SYT9: variants seen among roughly 807,000 people sequenced by gnomAD.
The protein encoded by SYT9 is synaptotagmin-9.
Under a neutral mutation model 48.4 loss-of-function variants are expected in SYT9, and 22 were observed. The observed-to-expected ratio is 0.45, with a 90% confidence interval of 0.32 to 0.65. SYT9 has a LOEUF of 0.65. SYT9 is among the 30% of genes least tolerant of loss of function. SYT9 has a pLI of 0.03. For synonymous variants in SYT9, 265 were observed against 245.0 expected (o/e 1.08, Z -0.76); for missense variants, 577 against 622.0 (o/e 0.93, Z 0.77).
upstream of SYT9, among the ~76,000 whole-genome samples, chr11:7,249,331 C>A (rs548879535): frequency 7.2e-5 from 11 of 152,298 alleles, no homozygotes; most frequent in Admixed American, 5.9e-4. Flanking sequence ...TTCACTTCTA[C>A]ACATTCTGTT....
intron 6 of SYT9, among the ~76,000 whole-genome samples, chr11:7,437,181 C>T (rs913258322): frequency 6.6e-6 from 1 of 152,166 alleles, no homozygotes; most frequent in African/African-American, 2.4e-5. Flanking sequence ...CTAAGTTTCT[C>T]ATTTCTCTGG....
intron 1 of SYT9, among the ~76,000 whole-genome samples, chr11:7,259,627 T>G (rs925101089): frequency 2.6e-5 from 4 of 152,180 alleles, no homozygotes; most frequent in Admixed American, 1.3e-4. Flanking sequence ...TTTTTTTTGT[T>G]GGTAAGACTG....
rs1026705035 is a variant in SYT9 at position 7,449,973 on chromosome 11, G to A, written c.1468-16819G>A. Among the ~76,000 whole-genome samples the A allele has an allele frequency of 7.9e-5, 12 of 151,974 alleles. No individual in the cohort carries two copies. In the East Asian group the frequency reaches 1.5e-3, roughly 20 times the overall value. On this transcript the variant is annotated intron_variant, in intron 6 of 6. Transcript: ENST00000318881. ...CTCAACTCCTGTCTGCCTTCTCCCC[G>A]ATGCCAGTCATTGCCCGCCTCCCAA...
intron 6 of SYT9, among the ~76,000 whole-genome samples, chr11:7,426,780 C>T (rs932799200): frequency 6.6e-6 from 1 of 152,136 alleles, no homozygotes; most frequent in African/African-American, 2.4e-5. Flanking sequence ...TATATCTTAG[C>T]ATGATTTCCC....
intron 6 of SYT9, among the ~76,000 whole-genome samples, chr11:7,453,261 G>C (rs149812339): frequency 2.0e-5 from 3 of 152,108 alleles, no homozygotes; most frequent in Non-Finnish European, 4.4e-5. Flanking sequence ...GCATGGTGGC[G>C]TGCCCACTAT....
At chr11:7,288,572 G>T (rs561480322) in intron 1 of SYT9, among the ~76,000 whole-genome samples, 3 of 152,078 alleles carry the variant, frequency 2.0e-5, no homozygotes, top group South Asian at 4.1e-4. Context: ...TTGTTTTCCT[G>T]TGAGTCCCCC....
chr11:7,250,302 C>A (rs934243484), upstream of SYT9, among the ~76,000 whole-genome samples: 1 of 151,848 alleles, frequency 6.6e-6, no homozygotes, highest in African/African-American at 2.4e-5. Flanking sequence ...CTGGTTTAGG[C>A]CTTCATCATC....
At chr11:7,364,791 G>A (rs1850210896) in intron 3 of SYT9, among the ~76,000 whole-genome samples, 1 of 152,100 alleles carries the variant, frequency 6.6e-6, no homozygotes, top group South Asian at 2.1e-4. Context: ...ATTTATTTCT[G>A]ATAAATGCAA....
chr11:7,421,962 A>G (rs1472805357), intron 6 of SYT9, among the ~76,000 whole-genome samples: 1 of 152,248 alleles, frequency 6.6e-6, no homozygotes, highest in Non-Finnish European at 1.5e-5. Flanking sequence ...ATAAGTAAAG[A>G]GAACTGAGCC....
chr11:7,330,585 C>T (rs559663504), intron 3 of SYT9, among the ~76,000 whole-genome samples: 3 of 152,264 alleles, frequency 2.0e-5, no homozygotes, highest in African/African-American at 7.2e-5. Context: ...ATATTTCTGT[C>T]TATCTAGGAA....
intron 1 of SYT9, among the ~76,000 whole-genome samples, chr11:7,274,829 C>T (rs189311013): frequency 8.0e-4 from 122 of 152,262 alleles, no homozygotes; most frequent in Middle Eastern, 3.4e-3. Context: ...AGCAGCCACA[C>T]ATAAGGCCAT....
rs1847613999 is a variant in SYT9 at position 7,432,576 on chromosome 11, AAAAAAAATATATATACATAT to A, written c.1467+11943_1467+11962del. Among the ~76,000 whole-genome samples the A allele has an allele frequency of 3.4e-3, 41 of 11,992 alleles. 1 individual carries two copies. Among genetic ancestry groups the A allele is most frequent in the African/African-American group, 0.013 (32 of 2,522 alleles). 7.9% of individuals were successfully genotyped at this position (11,992 alleles called of 152,430 possible). A position where few individuals can be genotyped will look rare whatever the true frequency, so the allele number is the denominator to read the frequency against. On this transcript the variant is annotated intron_variant, in intron 6 of 6. Coordinates refer to ENST00000318881, the MANE Select transcript of SYT9 (RefSeq NM_175733.4). ...AAAAAAAAAAAAAAAAAAAAAAAAA[AAAAAAAATATATATACATAT>A]ATATATATATATATATATATATATA... is the stretch of plus-strand genomic sequence containing the variant.
intron 1 of SYT9, among the ~76,000 whole-genome samples, chr11:7,289,238 T>C (rs1224530720): frequency 1.3e-5 from 2 of 152,182 alleles, no homozygotes; most frequent in Non-Finnish European, 2.9e-5. Flanking sequence ...AAAGATCCTA[T>C]CTAGGGACCA....
In SYT9 at chr11:7,467,061, C is replaced by G. The variant is rs148453860; in HGVS notation, c.*261C>G. 2 of 502,768 alleles carry G rather than the reference C, an allele frequency of 4.0e-6. No homozygotes were observed. The highest frequency in any genetic ancestry group is 3.5e-5 in the South Asian group (1 of 28,756). The allele number at this position is 502,768 out of a possible 1,614,324, so 31.1% of individuals were successfully genotyped here. A position where few individuals can be genotyped will look rare whatever the true frequency, so the allele number is the denominator to read the frequency against. ...CCAAGAACCAAGATCGGACTATGAA[C>G]AAAAACAAATGATAGATATAGTGAC... On this transcript the variant is annotated 3_prime_UTR_variant, in exon 7 of 7. Transcript: ENST00000318881.
chr11:7,272,572 G>T (rs971499985), intron 1 of SYT9, among the ~76,000 whole-genome samples: 2 of 152,054 alleles, frequency 1.3e-5, no homozygotes, highest in African/African-American at 4.8e-5. Context: ...CCATGGACTG[G>T]TCACTGTCCT....
intron 3 of SYT9, among the ~76,000 whole-genome samples, chr11:7,355,649 C>G (rs1248694658): frequency 6.6e-6 from 1 of 152,176 alleles, no homozygotes; most frequent in Non-Finnish European, 1.5e-5. Flanking sequence ...CTTGAGACAT[C>G]ACTTATATGC....
chr11:7,280,778 A>ATAGATGTAAGTAAGG (rs1564845778), intron 1 of SYT9, among the ~76,000 whole-genome samples: 2,140 of 151,764 alleles, frequency 0.014, 44 homozygotes, highest in African/African-American at 0.047. Flanking sequence ...GATGTAAGTA[A>ATAGATGTAAGTAAGG]GATACTATAG....
intron 4 of SYT9, among the ~76,000 whole-genome samples, chr11:7,416,456 T>C (rs966610559): frequency 6.6e-6 from 1 of 152,252 alleles, no homozygotes; most frequent in Admixed American, 6.5e-5. Flanking sequence ...CTACATATTG[T>C]TAATTATTGT....
At chr11:7,389,173 A>T (rs10769786) in intron 3 of SYT9, among the ~76,000 whole-genome samples, 2 of 151,958 alleles carry the variant, frequency 1.3e-5, no homozygotes, top group Non-Finnish European at 2.9e-5. Flanking sequence ...TTGGGCCAAT[A>T]CAGAAAACTG....
Sources: allele counts gnomAD v4.1 joint callset (sites outside exome capture counted in the v4.1 genomes callset), GRCh38; gene constraint gnomAD v4.1.1; transcripts MANE v1.5; gene names NCBI Gene and HGNC (gene_info 2026-07-23, HGNC 2026-07-21).